Variants in PRKCI observed in about 807,000 individuals in gnomAD.
PRKCI encodes the protein protein kinase C iota type.
A neutral mutation model predicts 84.0 loss-of-function variants in PRKCI; 43 were observed. The ratio of observed to expected loss-of-function variants is 0.51; its 90% CI spans 0.40 to 0.66. The LOEUF is 0.66. Ranked by LOEUF, PRKCI falls within the 30% of genes least tolerant of loss-of-function variation. PRKCI has a pLI of 0.00. For missense variants in PRKCI, 459 were observed against 745.6 expected (o/e 0.62, Z 4.48); for synonymous variants, 216 against 234.4 (o/e 0.92, Z 0.72).
At chr3:170,264,906 C>T (rs372904959) in intron 4 of PRKCI, among the ~76,000 whole-genome samples, 5 of 152,284 alleles carry the variant, frequency 3.3e-5, no homozygotes, top group Admixed American at 2.6e-4. Context: ...GCACTCCAGG[C>T]TGGGTGCAGT....
At chr3:170,248,441 TCTCA>T (rs962603601) in intron 2 of PRKCI, among the ~76,000 whole-genome samples, 4 of 152,170 alleles carry the variant, frequency 2.6e-5, no homozygotes, top group African/African-American at 9.7e-5. Context: ...ACTGAACAAT[TCTCA>T]CTCTGGATGT....
chr3:170,242,102 T>C (rs1011617154), intron 2 of PRKCI, among the ~76,000 whole-genome samples: 1 of 151,518 alleles, frequency 6.6e-6, no homozygotes, highest in African/African-American at 2.4e-5. Context: ...ATAGCAAAAC[T>C]CCGTCTCAAA....
intron 2 of PRKCI, among the ~76,000 whole-genome samples, chr3:170,236,877 AAAAG>A (rs1307451736): frequency 2.0e-4 from 30 of 151,780 alleles, no homozygotes; most frequent in South Asian, 1.2e-3. Flanking sequence ...AAAAAAAAAA[AAAAG>A]AAAGAAAAAG....
chr3:170,246,363 G>C (rs1435059950), intron 2 of PRKCI, among the ~76,000 whole-genome samples: 1 of 152,036 alleles, frequency 6.6e-6, no homozygotes, highest in Non-Finnish European at 1.5e-5. Context: ...ATGTTGGCCA[G>C]GCTGGTCTTG....
At chr3:170,255,015 A>G (rs1733546747) in intron 2 of PRKCI, among the ~76,000 whole-genome samples, 1 of 138,184 alleles carries the variant, frequency 7.2e-6, no homozygotes. Context: ...TTCTTGTATC[A>G]GTATTTTATG....
At chr3:170,235,823 C>T (rs1009396784) in intron 2 of PRKCI, among the ~76,000 whole-genome samples, 1 of 152,122 alleles carries the variant, frequency 6.6e-6, no homozygotes, top group South Asian at 2.1e-4. Flanking sequence ...CCTCGGCCTC[C>T]CAAAGTGCTG....
chr3:170,279,189 G>A (rs894763920), intron 8 of PRKCI, among the ~76,000 whole-genome samples: 1 of 151,962 alleles, frequency 6.6e-6, no homozygotes, highest in Non-Finnish European at 1.5e-5. Flanking sequence ...ACCAACATCC[G>A]GCTAATTTTT....
chr3:170,249,211 A>C (rs1455293213), intron 2 of PRKCI, among the ~76,000 whole-genome samples: 1 of 152,152 alleles, frequency 6.6e-6, no homozygotes, highest in East Asian at 1.9e-4. Context: ...AAGTCACTTG[A>C]AATGTGGAAA....
intron 12 of PRKCI, among the ~76,000 whole-genome samples, chr3:170,290,912 C>T (rs1734534782): frequency 6.6e-6 from 1 of 151,532 alleles, no homozygotes; most frequent in Admixed American, 6.6e-5. Context: ...CCGAGGTGGG[C>T]AGATCATCTG....
chr3:170,249,416 T>A (rs1405988032), intron 2 of PRKCI, among the ~76,000 whole-genome samples: 2 of 151,300 alleles, frequency 1.3e-5, no homozygotes, highest in African/African-American at 4.9e-5. Flanking sequence ...AGAGAGAGAG[T>A]GCGTGTGTGC....
intron 12 of PRKCI, among the ~76,000 whole-genome samples, chr3:170,291,136 CAAA>C (rs35556777): frequency 6.9e-6 from 1 of 145,972 alleles, no homozygotes. Flanking sequence ...ACTCTGTCTC[CAAA>C]AAAAAAAAAG....
At chr3:170,287,908 CA>C (rs750366555) in intron 12 of PRKCI, among the ~76,000 whole-genome samples, 3,179 of 50,550 alleles carry the variant, frequency 0.063, 35 homozygotes, top group South Asian at 0.18. Flanking sequence ...GACTCTGTCT[CA>C]AAAAAAAAAA....
intron 4 of PRKCI, among the ~76,000 whole-genome samples, chr3:170,266,057 A>C (rs554583882): frequency 5.3e-5 from 8 of 152,230 alleles, no homozygotes; most frequent in African/African-American, 1.9e-4. Context: ...ACCTGTTGTA[A>C]TCTTTCTATG....
intron 5 of PRKCI, among the ~76,000 whole-genome samples, chr3:170,269,681 G>C (rs1733952080): frequency 6.6e-6 from 1 of 152,020 alleles, no homozygotes. Context: ...GAGAGACCAA[G>C]TGCGGTGGCT....
intron 12 of PRKCI, among the ~76,000 whole-genome samples, chr3:170,287,190 A>G (rs1374909881): frequency 1.3e-5 from 2 of 151,780 alleles, no homozygotes; most frequent in Non-Finnish European, 2.9e-5. Flanking sequence ...GGAAAATTAC[A>G]CTGGGTTGGT....
At chr3:170,237,051 A>G (rs924419762) in intron 2 of PRKCI, among the ~76,000 whole-genome samples, 1 of 152,200 alleles carries the variant, frequency 6.6e-6, no homozygotes, top group Admixed American at 6.5e-5. Flanking sequence ...CATCTATAAT[A>G]CATCTGCAAT....
At chr3:170,246,410 C>T (rs1346216126) in intron 2 of PRKCI, among the ~76,000 whole-genome samples, 4 of 152,078 alleles carry the variant, frequency 2.6e-5, no homozygotes, top group Non-Finnish European at 5.9e-5. Flanking sequence ...GCCTCGGCCT[C>T]CTAAAGTGCT....
At chr3:170,255,010 G>T (rs1733546558) in intron 2 of PRKCI, among the ~76,000 whole-genome samples, 5 of 111,836 alleles carry the variant, frequency 4.5e-5, no homozygotes, top group African/African-American at 1.4e-4. Flanking sequence ...TCAGTTTCTT[G>T]TATCAGTATT....
At chr3:170,291,978 C>T (rs770101429) in intron 13 of PRKCI, 37 bp downstream of exon 13, 14 of 1,422,748 alleles carry the variant, frequency 9.8e-6, no homozygotes, top group Non-Finnish European at 1.4e-5. Flanking sequence ...TTAGCTATTG[C>T]TAGATGGGTG....
Sources: gnomAD v4.1 joint callset for allele counts (sites outside exome capture counted in the v4.1 genomes callset) on GRCh38, gnomAD v4.1.1 for gene constraint, MANE v1.5 for transcripts, NCBI Gene and HGNC (gene_info 2026-07-23, HGNC 2026-07-21) for gene names.